The following RAB1A variants were observed in gnomAD, a reference collection of about 807,000 sequenced individuals.
RAB1A encodes ras-related protein Rab-1A.
A neutral mutation model predicts 26.0 loss-of-function variants in RAB1A; 2 were observed. The ratio of observed to expected loss-of-function variants is 0.08; its 90% CI spans 0.03 to 0.24. The LOEUF is 0.24. Among genes scored for constraint, RAB1A ranks in the 10% least tolerant of loss-of-function variants. The pLI, the probability that RAB1A is intolerant of heterozygous loss-of-function variation, is 1.00. For synonymous variants in RAB1A, 84 were observed against 84.9 expected, an observed-to-expected ratio of 0.99 and a Z score of 0.06; for missense variants, 100 against 247.0, an observed-to-expected ratio of 0.40 and a Z score of 3.99.
At chr2:65,127,741 A>ATT (rs962431496) in intron 1 of RAB1A, among the ~76,000 whole-genome samples, 1 of 150,182 alleles carries the variant, frequency 6.7e-6, no homozygotes, top group Non-Finnish European at 1.5e-5. Flanking sequence ...ACAATAAATA[A>ATT]TTTTTTTTTT....
At chr2:65,097,527 A>G (rs1199386459) in intron 3 of RAB1A, among the ~76,000 whole-genome samples, 2 of 152,216 alleles carry the variant, frequency 1.3e-5, no homozygotes, top group African/African-American at 4.8e-5. Flanking sequence ...GTTGGTGCAC[A>G]CTATCTAATA....
At chr2:65,112,141 C>A (rs1250778429) in intron 1 of RAB1A, among the ~76,000 whole-genome samples, 1 of 150,532 alleles carries the variant, frequency 6.6e-6, no homozygotes. Flanking sequence ...AAAATGCTAG[C>A]TCATGATTTT....
rs111945092 is a variant in RAB1A at position 65,100,633 on chromosome 2, G to A, written c.97-2567C>T. Among the ~76,000 whole-genome samples, 680 of 151,446 alleles carry A rather than the reference G, an allele frequency of 4.5e-3. 3 individuals are homozygous for A. The highest frequency in any genetic ancestry group is 0.015 in the African/African-American group (613 of 41,244). On this transcript the variant is annotated intron_variant, in intron 2 of 5. Coordinates refer to ENST00000409784, the MANE Select transcript of RAB1A (RefSeq NM_004161.5). ...AAAATTAGTGGGTGTGATGGCACAC[G>A]CCTGTAAACCTAGCTAGTCAGGAGA...
At chr2:65,096,664 C>G (rs190697010) in intron 3 of RAB1A, among the ~76,000 whole-genome samples, 8 of 152,304 alleles carry the variant, frequency 5.3e-5, no homozygotes, top group African/African-American at 1.9e-4. Flanking sequence ...GAAAGTATTT[C>G]AAGCTATTTC....
At chr2:65,128,974 C>T (rs1670169152) in intron 1 of RAB1A, among the ~76,000 whole-genome samples, 1 of 152,026 alleles carries the variant, frequency 6.6e-6, no homozygotes, top group Non-Finnish European at 1.5e-5. Flanking sequence ...AAAAGAAATG[C>T]ATTAACTTTT....
At chr2:65,098,098 A>G in intron 2 of RAB1A, 32 bp from the exon 3 acceptor site, 2 of 1,290,830 alleles carry the variant, frequency 1.5e-6, no homozygotes, top group South Asian at 2.8e-5. Flanking sequence ...AATTAAATGT[A>G]TTGTTCAGTG....
intron 1 of RAB1A, among the ~76,000 whole-genome samples, chr2:65,129,012 T>C (rs908812896): frequency 2.0e-5 from 3 of 152,090 alleles, no homozygotes; most frequent in African/African-American, 4.8e-5. Context: ...CCTCATTCCC[T>C]ATCTGCAAGC....
At chr2:65,095,186 T>TG (rs1187845514) in intron 3 of RAB1A, among the ~76,000 whole-genome samples, 1 of 152,016 alleles carries the variant, frequency 6.6e-6, no homozygotes, top group African/African-American at 2.4e-5. Flanking sequence ...AGAGGTTTTG[T>TG]GGTTTTTTTT....
At chr2:65,115,148 T>G (rs554237097) in intron 1 of RAB1A, among the ~76,000 whole-genome samples, 1 of 152,342 alleles carries the variant, frequency 6.6e-6, no homozygotes, top group South Asian at 2.1e-4. Context: ...CTACTGTTTA[T>G]AAATTACCCA....
intron 1 of RAB1A, among the ~76,000 whole-genome samples, chr2:65,114,701 C>T (rs868288890): frequency 1.8e-4 from 27 of 152,058 alleles, no homozygotes; most frequent in African/African-American, 3.6e-4. Flanking sequence ...AAAAATTAGC[C>T]GGGCGCGGTG....
chr2:65,093,473 T>C (rs1000340558), intron 3 of RAB1A, among the ~76,000 whole-genome samples: 1 of 152,002 alleles, frequency 6.6e-6, no homozygotes, highest in African/African-American at 2.4e-5. Context: ...AAGACCCAGA[T>C]GTCACACCTG....
chr2:65,096,721 T>C (rs1669294557), intron 3 of RAB1A, among the ~76,000 whole-genome samples: 1 of 152,220 alleles, frequency 6.6e-6, no homozygotes, highest in Non-Finnish European at 1.5e-5. Context: ...TCAAGTGTGT[T>C]TACTTATATC....
At chr2:65,121,651 G>A (rs544964639) in intron 1 of RAB1A, among the ~76,000 whole-genome samples, 1 of 152,024 alleles carries the variant, frequency 6.6e-6, no homozygotes, top group African/African-American at 2.4e-5. Flanking sequence ...ACACTCCCAG[G>A]GTGGTTCCAA....
At chr2:65,100,477 A>C (rs189371932) in intron 2 of RAB1A, among the ~76,000 whole-genome samples, 50 of 148,844 alleles carry the variant, frequency 3.4e-4, no homozygotes, top group Admixed American at 6.7e-4. Context: ...AAGTATATAG[A>C]GGCCAGGCGC....
intron 1 of RAB1A, chr2:65,105,511 C>CAAAAAAAAAAAAAAAAAA (rs60594101): frequency 6.1e-5 from 2 of 33,028 alleles, no homozygotes; most frequent in African/African-American, 2.0e-4. Context: ...AACTCTGTCT[C>CAAAAAAAAAAAAAAAAAA]AAAAAAAAAA....
rs150146058 is a variant in RAB1A, at chr2:65,120,711, G to T, written c.23+9182C>A. Among the ~76,000 whole-genome samples the T allele has an allele frequency of 2.8e-3, 420 of 152,130 alleles. 1 individual carries two copies. The highest frequency in any genetic ancestry group is 9.6e-3 in the African/African-American group (397 of 41,504). ...AGGGAGCAGATGCATCAAATGTAAC[G>T]TGAGTATGGCTACACGACCATAAAT... On this transcript the variant is annotated intron_variant, in intron 1 of 5. Transcript: ENST00000409784.
chr2:65,097,257 C>T (rs1313358682), intron 3 of RAB1A, among the ~76,000 whole-genome samples: 3 of 152,044 alleles, frequency 2.0e-5, no homozygotes, highest in Admixed American at 2.0e-4. Flanking sequence ...ACTGACAGGA[C>T]TCAGACCCAT....
At position 65,122,432 on chromosome 2, in the gene RAB1A, C is replaced by T. The variant is rs116280118; in HGVS notation, c.23+7461G>A. Among the ~76,000 whole-genome samples the T allele has an allele frequency of 5.5e-3, 834 of 150,788 alleles. 15 individuals carry two copies. The highest frequency in any genetic ancestry group is 0.019 in the African/African-American group (775 of 41,090). ...AATTAGCCAGGTGTGGTGGCACGCG[C>T]TTGTATTCTCAGCTACTCAGGAGGC... On this transcript the variant is annotated intron_variant, in intron 1 of 5. Transcript: ENST00000409784.
intron 1 of RAB1A, among the ~76,000 whole-genome samples, chr2:65,105,911 C>A (rs983654508): frequency 6.6e-6 from 1 of 152,046 alleles, no homozygotes; most frequent in Admixed American, 6.6e-5. Flanking sequence ...TATAGGCATG[C>A]GCCACCACGC....
Sources: allele counts gnomAD v4.1 joint callset (sites outside exome capture counted in the v4.1 genomes callset), GRCh38; gene constraint gnomAD v4.1.1; transcripts MANE v1.5; gene names NCBI Gene and HGNC (gene_info 2026-07-23, HGNC 2026-07-21).